The following ALPK3 variants were observed in gnomAD, a reference collection of about 807,000 sequenced individuals.
ALPK3 encodes alpha-protein kinase 3.
A neutral mutation model predicts 140.0 loss-of-function variants in ALPK3; 102 were observed. That is an observed-to-expected ratio of 0.73 (90% CI 0.62 to 0.86). The LOEUF (loss-of-function observed/expected upper bound fraction) is 0.86. Among genes scored for constraint, ALPK3 ranks in the 40% least tolerant of loss-of-function variants. The probability of loss-of-function intolerance (pLI) is 0.00; values close to 1 mark genes in which losing one functional copy is unlikely to be tolerated. For synonymous variants in ALPK3, 938 were observed against 898.5 expected, an observed-to-expected ratio of 1.04 and a Z score of -0.79; for missense variants, 2,254 against 2,208.2, an observed-to-expected ratio of 1.02 and a Z score of -0.42.
intron 3 of ALPK3, among the ~76,000 whole-genome samples, chr15:84,835,447 C>T (rs917188808): frequency 1.3e-5 from 2 of 152,150 alleles, no homozygotes; most frequent in Non-Finnish European, 2.9e-5. Flanking sequence ...CCTTCCCATC[C>T]ACCTTGTGTG....
Position 84,857,548 on chromosome 15 carries a change from C to T in ALPK3, c.2810C>T (p.Ala937Val), listed in dbSNP as rs1021527527. The T allele has an allele frequency of 1.4e-5, 22 of 1,584,914 alleles. No homozygotes were observed. Among genetic ancestry groups the T allele is most frequent in the Non-Finnish European group, 1.9e-5 (22 of 1,164,892 alleles). Reference sequence around the variant, plus strand: ...GCCACCAGCAGTGAGGGGGCCTGCGCCCAGGTACCAGATGTGGAGGGGCGG... The same window carrying T: ...GCCACCAGCAGTGAGGGGGCCTGCGTCCAGGTACCAGATGTGGAGGGGCGG... ...TMATSSEGAC[A>V]QVPDVEGRTP... The change falls in exon 6 of 14, where the codon GCC becomes GTC. Residue 937 changes from alanine (A) to valine (V), a missense_variant. Transcript: ENST00000258888.
At chr15:84,842,807 C>T (rs1479223587) in intron 5 of ALPK3, among the ~76,000 whole-genome samples, 1 of 152,188 alleles carries the variant, frequency 6.6e-6, no homozygotes, top group Non-Finnish European at 1.5e-5. Flanking sequence ...CCCCCTCATG[C>T]CTGGTCTCCT....
chr15:84,839,125 C>G (rs1457677877), intron 4 of ALPK3, 28 bp downstream of exon 4: 1 of 1,571,942 alleles, frequency 6.4e-7, no homozygotes, highest in Non-Finnish European at 8.7e-7. Flanking sequence ...GTTTTGCTCT[C>G]TCTGCCCTCC....
chr15:84,827,861 G>A (rs1246181705), intron 3 of ALPK3, among the ~76,000 whole-genome samples: 1 of 152,190 alleles, frequency 6.6e-6, no homozygotes, highest in African/African-American at 2.4e-5. Flanking sequence ...GACCCTCAGG[G>A]ATACATCCAT....
chr15:84,857,072 A>G lies in ALPK3; in HGVS notation c.2334A>G (p.Ala778=). The part of the protein sequence containing the change: ...KPGCLPRSEE[A]VVTASRNHEQ... ...GTTGCCTGCCCAGATCTGAGGAGGC[A>G]GTAGTAACAGCCTCCAGGAACCATG... Residue 778 remains alanine (A), a synonymous_variant, in exon 6 of 14, where the codon GCA becomes GCG. Coordinates refer to ENST00000258888, the MANE Select transcript of ALPK3 (RefSeq NM_020778.5). 3 of 1,614,216 alleles carry G rather than the reference A, an allele frequency of 1.9e-6. No individual in the cohort carries two copies. Among genetic ancestry groups the G allele is most frequent in the Non-Finnish European group, 2.5e-6 (3 of 1,180,032 alleles).
At position 84,850,013 on chromosome 15, in the gene ALPK3, A is replaced by G. The variant is rs932467518; in HGVS notation, c.1654-6379A>G. Among the ~76,000 whole-genome samples the G allele has an allele frequency of 4.4e-4, 44 of 99,722 alleles. 1 individual carries two copies. The highest frequency in any genetic ancestry group is 1.2e-3 in the African/African-American group (44 of 37,616). 65.4% of individuals were successfully genotyped at this position (99,722 alleles called of 152,430 possible). A position where few individuals can be genotyped will look rare whatever the true frequency, so the allele number is the denominator to read the frequency against. The stretch of plus-strand genomic sequence containing the variant: ...GGCAAGACTTAGAAAAAAAAAAAAA[A>G]GAAGACACAAAATACAAGTATTAAG... On this transcript the variant is annotated intron_variant, in intron 5 of 13. Coordinates refer to ENST00000258888, the MANE Select transcript of ALPK3 (RefSeq NM_020778.5).
rs2141568790 is a variant in ALPK3 at position 84,857,968 on chromosome 15, ACG to A, written c.3231_3232del (p.Asp1077GlufsTer13). 75 of 1,607,868 alleles carry A rather than the reference ACG, an allele frequency of 4.7e-5. No individual in the cohort carries two copies. The highest frequency in any genetic ancestry group is 6.2e-5 in the Non-Finnish European group (73 of 1,177,540). ...CTCACTGTCCCTGCCATTGTGGTAG[ACG>A]AGGAGGACCCTGGGCTGGCCTCAGA... is the stretch of plus-strand genomic sequence containing the variant. On this transcript the variant is annotated frameshift_variant, in exon 6 of 14. Coordinates refer to ENST00000258888, the MANE Select transcript of ALPK3 (RefSeq NM_020778.5). LOFTEE classifies it high-confidence loss of function.
intron 9 of ALPK3, 141 bp from the exon 10 acceptor site, chr15:84,862,494 C>T: frequency 5.0e-6 from 5 of 1,003,058 alleles, no homozygotes; most frequent in Non-Finnish European, 5.8e-6. Context: ...ACTTAATGTG[C>T]CCAAAGAGCA....
intron 1 of ALPK3, among the ~76,000 whole-genome samples, chr15:84,819,560 GAGC>G (rs542859145): frequency 6.6e-6 from 1 of 152,294 alleles, no homozygotes; most frequent in African/African-American, 2.4e-5. Context: ...GTGTTGGAGG[GAGC>G]CACCGTACTG....
intron 5 of ALPK3, among the ~76,000 whole-genome samples, chr15:84,844,857 A>C (rs1023504715): frequency 3.4e-5 from 5 of 147,928 alleles, no homozygotes; most frequent in African/African-American, 1.2e-4. Context: ...ACTCCGTCTC[A>C]AAAAAAAAAA....
rs71453270 is a variant in ALPK3, at chr15:84,833,957, T to TTGTGTGTGTGTGTGTG, written c.305-5007_305-4992dup. Among the ~76,000 whole-genome samples, 450 of 147,308 alleles carry TTGTGTGTGTGTGTGTG rather than the reference T, an allele frequency of 3.1e-3. 3 individuals are homozygous for TTGTGTGTGTGTGTGTG. Among genetic ancestry groups the TTGTGTGTGTGTGTGTG allele is most frequent in the African/African-American group, 5.2e-3 (204 of 39,564 alleles). The stretch of plus-strand genomic sequence containing the variant: ...CCTCAGCTCTGTTGTAGATTCTGTG[T>TTGTGTGTGTGTGTGTG]TGTGTGTGTGTGTGTGTGTGTGTGT... On this transcript the variant is annotated intron_variant, in intron 3 of 13. Coordinates refer to ENST00000258888, the MANE Select transcript of ALPK3 (RefSeq NM_020778.5).
Position 84,864,509 on chromosome 15 carries a change from CT to C in ALPK3, c.4568del (p.Leu1523ArgfsTer58), listed in dbSNP as rs1339485860. 1.2e-6 allele frequency: 2 copies of C among 1,614,166 alleles called. No individual in the cohort carries two copies. Among genetic ancestry groups the C allele is most frequent in the South Asian group, 2.2e-5 (2 of 91,074 alleles). ...CCCATATGCTACCCTGGAGGAAGAC[CT>C]GGGCAAGCCCCTGGAGTCTTACTGT... is the stretch of plus-strand genomic sequence containing the variant. ...NIPYATLEED[L>X]GKPLESYCSR... is the part of the protein sequence containing the mutation. On this transcript the variant is annotated frameshift_variant, in exon 12 of 14. Coordinates refer to ENST00000258888, the MANE Select transcript of ALPK3 (RefSeq NM_020778.5). LOFTEE classifies it high-confidence loss of function.
Position 84,817,359 on chromosome 15 carries a change from A to AGCG in ALPK3, c.-83_-81dup, listed in dbSNP as rs1254619910. On this transcript the variant is annotated 5_prime_UTR_variant, in exon 1 of 14. Coordinates refer to ENST00000258888, the MANE Select transcript of ALPK3 (RefSeq NM_020778.5). ...GGGGCGCGCGTCAGCCGCGGGCGGG[A>AGCG]GCGGCGGCGGCGGGCAGGGGCCCGG... is the stretch of plus-strand genomic sequence containing the variant. 8 of 1,231,126 alleles carry AGCG rather than the reference A, an allele frequency of 6.5e-6. No homozygotes were observed. The highest frequency in any genetic ancestry group is 8.1e-6 in the Non-Finnish European group (8 of 989,008). 76.3% of individuals were successfully genotyped at this position (1,231,126 alleles called of 1,614,324 possible).
chr15:84,862,111 G>A (rs1157268679), intron 9 of ALPK3, among the ~76,000 whole-genome samples: 1 of 152,080 alleles, frequency 6.6e-6, no homozygotes, highest in African/African-American at 2.4e-5. Flanking sequence ...TCTTTAGAAA[G>A]CTCTGGTTTC....
intron 12 of ALPK3, among the ~76,000 whole-genome samples, chr15:84,866,716 G>A (rs192984017): frequency 1.1e-4 from 16 of 152,328 alleles, no homozygotes; most frequent in Admixed American, 2.0e-4. Context: ...TGTAAGTAGT[G>A]CAGAAGCCAG....
At chr15:84,824,225 T>C (rs1445152690) in intron 2 of ALPK3, among the ~76,000 whole-genome samples, 1 of 152,250 alleles carries the variant, frequency 6.6e-6, no homozygotes, top group Non-Finnish European at 1.5e-5. Flanking sequence ...ACCACGTTAA[T>C]GTATTCCTGC....
intron 3 of ALPK3, among the ~76,000 whole-genome samples, chr15:84,837,591 G>C (rs1008121436): frequency 3.3e-5 from 5 of 152,170 alleles, no homozygotes; most frequent in African/African-American, 1.2e-4. Context: ...ATATATCTTT[G>C]AGTGAATGTA....
intron 5 of ALPK3, among the ~76,000 whole-genome samples, chr15:84,843,543 G>C (rs1963691267): frequency 6.6e-6 from 1 of 152,134 alleles, no homozygotes; most frequent in Non-Finnish European, 1.5e-5. Context: ...TAGGAGAAAG[G>C]GGAATCAAGT....
intron 3 of ALPK3, among the ~76,000 whole-genome samples, chr15:84,832,958 T>C (rs1164708919): frequency 2.0e-5 from 3 of 152,190 alleles, no homozygotes; most frequent in African/African-American, 7.2e-5. Flanking sequence ...GTCTGGCTTA[T>C]AGAATCATGG....
Sources: allele counts gnomAD v4.1 joint callset (sites outside exome capture counted in the v4.1 genomes callset), GRCh38; gene constraint gnomAD v4.1.1; transcripts MANE v1.5; gene names NCBI Gene and HGNC (gene_info 2026-07-23, HGNC 2026-07-21).